The following PPM1A variants were observed in gnomAD, a reference collection of about 807,000 sequenced individuals.
The protein encoded by PPM1A is protein phosphatase, Mg2+/Mn2+ dependent 1A, also known as protein phosphatase 1A.
In PPM1A, 7 loss-of-function variants were observed where a neutral mutation model predicts 35.0. That is an observed-to-expected ratio of 0.20 (90% CI 0.11 to 0.38). The LOEUF (loss-of-function observed/expected upper bound fraction) is 0.38, where lower values mean the gene tolerates loss of function less well. PPM1A is among the 10% of genes least tolerant of loss of function. The probability of loss-of-function intolerance (pLI) is 1.00; values close to 1 mark genes in which losing one functional copy is unlikely to be tolerated. For missense variants in PPM1A, 239 were observed against 467.8 expected, an observed-to-expected ratio of 0.51 and a Z score of 4.51; for synonymous variants, 153 against 167.3, an observed-to-expected ratio of 0.91 and a Z score of 0.66.
At chr14:60,250,343 A>G in intron 1 of PPM1A, 2 of 743,750 alleles carry the variant, frequency 2.7e-6, no homozygotes, top group Non-Finnish European at 3.3e-6. Flanking sequence ...TCTTGATGTT[A>G]GAGCTTGGTT....
intron 1 of PPM1A, among the ~76,000 whole-genome samples, chr14:60,278,062 A>T (rs998039424): frequency 6.6e-6 from 1 of 152,214 alleles, no homozygotes; most frequent in Non-Finnish European, 1.5e-5. Context: ...TGGTGTGAAG[A>T]TTAAAGAAGT....
At chr14:60,288,405 A>T in intron 3 of PPM1A, 1 of 984,374 alleles carries the variant, frequency 1.0e-6, no homozygotes, top group Non-Finnish European at 1.2e-6. Flanking sequence ...ACTGTATGTT[A>T]AGTGTATTAG....
upstream of PPM1A, among the ~76,000 whole-genome samples, chr14:60,248,386 C>G (rs1477468728): frequency 6.6e-6 from 1 of 152,214 alleles, no homozygotes; most frequent in African/African-American, 2.4e-5. Flanking sequence ...CTAACATGTG[C>G]AAATAAATAC....
chr14:60,246,169 G>A, upstream of PPM1A: 2 of 948,236 alleles, frequency 2.1e-6, no homozygotes, highest in Non-Finnish European at 3.1e-6. Flanking sequence ...CTCCTGAGGG[G>A]GTCATTTACA....
chr14:60,284,172 G>A (rs1183684717), intron 2 of PPM1A, among the ~76,000 whole-genome samples: 3 of 152,186 alleles, frequency 2.0e-5, no homozygotes, highest in Non-Finnish European at 2.9e-5. Flanking sequence ...ATATACACAG[G>A]TGAGCTAGCT....
upstream of PPM1A, among the ~76,000 whole-genome samples, chr14:60,246,498 T>C (rs903322216): frequency 2.0e-5 from 3 of 152,178 alleles, no homozygotes; most frequent in African/African-American, 4.8e-5. Flanking sequence ...AATATACCTA[T>C]AAAAATTACT....
At chr14:60,258,037 A>G (rs1883337771) in intron 1 of PPM1A, among the ~76,000 whole-genome samples, 1 of 152,052 alleles carries the variant, frequency 6.6e-6, no homozygotes, top group African/African-American at 2.4e-5. Flanking sequence ...TTTGTGACCA[A>G]CCCACAGCTT....
intron 1 of PPM1A, among the ~76,000 whole-genome samples, chr14:60,271,942 G>A (rs940630930): frequency 1.3e-5 from 2 of 152,010 alleles, no homozygotes; most frequent in Non-Finnish European, 2.9e-5. Flanking sequence ...CTTATTTATT[G>A]ATGAGGAAAG....
chr14:60,254,168 T>G (rs956783207), intron 1 of PPM1A, among the ~76,000 whole-genome samples: 1 of 152,194 alleles, frequency 6.6e-6, no homozygotes, highest in Non-Finnish European at 1.5e-5. Context: ...TCTTTCAGTA[T>G]AGCTTTTGCA....
In PPM1A at chr14:60,249,984, A is replaced by G. The variant is rs1882170080; in HGVS notation, c.-21+307A>G. Among the ~76,000 whole-genome samples the G allele has an allele frequency of 1.3e-5, 2 of 151,156 alleles. No homozygotes were observed. Among genetic ancestry groups the G allele is most frequent in the Non-Finnish European group, 3.0e-5 (2 of 67,686 alleles). ...AGATGGGTGTTTGTGGCGGCGAAGC[A>G]GGCGACGGCCGCAGGCCGGCCTGGC... is the stretch of plus-strand genomic sequence containing the variant. On this transcript the variant is annotated intron_variant, in intron 1 of 5. Transcript: ENST00000395076. The surrounding 1 kb of genome is among the most constrained non-coding windows in gnomAD (Gnocchi z 4.5).
intron 3 of PPM1A, chr14:60,287,106 T>G: frequency 3.2e-6 from 3 of 947,764 alleles, no homozygotes; most frequent in Non-Finnish European, 3.8e-6. Flanking sequence ...TCTTATTGGT[T>G]TAAAGAAGTA....
chr14:60,246,438 T>C (rs937656487), upstream of PPM1A, among the ~76,000 whole-genome samples: 1 of 152,238 alleles, frequency 6.6e-6, no homozygotes, highest in African/African-American at 2.4e-5. Context: ...TCTTTTTCTT[T>C]GTTAATTGAA....
chr14:60,248,934 G>A (rs1881975296), upstream of PPM1A, among the ~76,000 whole-genome samples: 1 of 152,204 alleles, frequency 6.6e-6, no homozygotes, highest in Non-Finnish European at 1.5e-5. Flanking sequence ...CTGCTATCCG[G>A]GATCCGGACG....
At chr14:60,267,435 G>T (rs1884521801) in intron 1 of PPM1A, 2 of 152,034 alleles carry the variant, frequency 1.3e-5, no homozygotes. Flanking sequence ...TTCCTAAAAT[G>T]ATCCCTATTT....
chr14:60,249,011 G>C (rs1009610500), upstream of PPM1A, among the ~76,000 whole-genome samples: 1 of 152,030 alleles, frequency 6.6e-6, no homozygotes, highest in Non-Finnish European at 1.5e-5. The surrounding 1 kb of genome is among the most constrained non-coding windows in gnomAD (Gnocchi z 4.5). Context: ...CAGCGGCAGA[G>C]AAAGAAGCTG....
At chr14:60,277,989 T>A (rs1885943441) in intron 1 of PPM1A, among the ~76,000 whole-genome samples, 1 of 152,218 alleles carries the variant, frequency 6.6e-6, no homozygotes. Context: ...CTTCAGCAGA[T>A]GACTTAACCT....
chr14:60,266,975 A>G (rs1349225479), intron 1 of PPM1A, among the ~76,000 whole-genome samples: 2 of 152,118 alleles, frequency 1.3e-5, no homozygotes, highest in Admixed American at 6.5e-5. Flanking sequence ...CTTGTTATTT[A>G]TTTAGATATA....
chr14:60,274,352 A>T (rs376114364), intron 1 of PPM1A, among the ~76,000 whole-genome samples: 2 of 151,904 alleles, frequency 1.3e-5, no homozygotes, highest in Non-Finnish European at 2.9e-5. Context: ...GAGCATCAAC[A>T]TTTTTTTTAA....
Position 60,295,821 on chromosome 14 carries a change from G to A in PPM1A, c.*3339G>A, listed in dbSNP as rs1031047375. On this transcript the variant is annotated 3_prime_UTR_variant, in exon 6 of 6. Transcript: ENST00000395076. ...CCAGGTACTTAGCTGATCAAGGCAGGCCCCTGCCCTAAAGACCTTGTTTAT... is the reference window on the plus strand; with the variant it reads ...CCAGGTACTTAGCTGATCAAGGCAGACCCCTGCCCTAAAGACCTTGTTTAT... 2 of 151,538 alleles carry A rather than the reference G, an allele frequency of 1.3e-5. No individual in the cohort carries two copies. The highest frequency in any genetic ancestry group is 3.0e-5 in the Non-Finnish European group (2 of 67,654). The allele number at this position is 151,538 out of a possible 1,614,324, so 9.4% of individuals were successfully genotyped here.
Sources: gnomAD v4.1 joint callset for allele counts (sites outside exome capture counted in the v4.1 genomes callset) on GRCh38, gnomAD v4.1.1 for gene constraint, Gnocchi (gnomAD v3.1) non-coding constraint, MANE v1.5 for transcripts, NCBI Gene and HGNC (gene_info 2026-07-23, HGNC 2026-07-21) for gene names.